Variants in PHRF1 observed in about 807,000 individuals in gnomAD.
PHRF1 encodes PHD and RING finger domain-containing protein 1.
Under a neutral mutation model 128.9 loss-of-function variants are expected in PHRF1, and 53 were observed. That is an observed-to-expected ratio of 0.41 (90% CI 0.33 to 0.52). The LOEUF (loss-of-function observed/expected upper bound fraction) is 0.52. Ranked by LOEUF, PHRF1 falls within the 20% of genes least tolerant of loss-of-function variation. The pLI is 0.21. For synonymous variants in PHRF1, 1,178 were observed against 980.6 expected (o/e 1.20, Z -3.76); for missense variants, 2,503 against 2,284.5 (o/e 1.10, Z -1.95).
chr11:582,907 G>A (rs1034538954), intron 3 of PHRF1, among the ~76,000 whole-genome samples: 3 of 151,452 alleles, frequency 2.0e-5, no homozygotes, highest in Non-Finnish European at 2.9e-5. Flanking sequence ...GGTGGTAGAC[G>A]CCTGTAATCC....
At chr11:577,901 G>C (rs1223113200) in intron 1 of PHRF1, among the ~76,000 whole-genome samples, 4 of 152,248 alleles carry the variant, frequency 2.6e-5, no homozygotes, top group African/African-American at 9.6e-5. Flanking sequence ...AGCCTTTCCA[G>C]TTTTTTGTTT....
chr11:585,979 AG>A (rs1186707778), intron 3 of PHRF1, among the ~76,000 whole-genome samples: 1 of 152,142 alleles, frequency 6.6e-6, no homozygotes, highest in East Asian at 1.9e-4. Context: ...CTCCTGTCTC[AG>A]CCTCCCAAGT....
rs1485963234 is a variant in PHRF1, at chr11:585,638, AGGTAGTAGCCCTTTCCAGCT to A, written c.215-1620_215-1601del. Among the ~76,000 whole-genome samples, 50 of 86,582 alleles carry A rather than the reference AGGTAGTAGCCCTTTCCAGCT, an allele frequency of 5.8e-4. 2 individuals are homozygous for A. Among genetic ancestry groups the A allele is most frequent in the East Asian group, 1.8e-3 (5 of 2,764 alleles). 56.8% of individuals were successfully genotyped at this position (86,582 alleles called of 152,430 possible). A position where few individuals can be genotyped will look rare whatever the true frequency, so the allele number is the denominator to read the frequency against. On this transcript the variant is annotated intron_variant, in intron 3 of 17. Transcript: ENST00000264555. ...TGAGGTAGTAGCCCTTTCCAGCTTG[AGGTAGTAGCCCTTTCCAGCT>A]TGAGGTAGTAGCTCTTCAACTCTTT...
rs774027905 is a variant in PHRF1, at chr11:587,346, C to CTGA, written c.311_313dup (p.Asp104dup). On this transcript the variant is annotated inframe_insertion, in exon 4 of 18. Transcript: ENST00000264555. ...CTGGAAGCCGCTGGCTCTTTCAATT[C>CTGA]TGATGATGATGCAGAGAGCTGCCCA... 5.6e-6 allele frequency: 9 copies of CTGA among 1,613,728 alleles called. No individual in the cohort carries two copies. The highest frequency in any genetic ancestry group is 7.6e-6 in the Non-Finnish European group (9 of 1,179,908).
rs1856281455 is a variant in PHRF1, at chr11:610,258, C to T, written c.4327C>T (p.Pro1443Ser). 3 of 1,555,464 alleles carry T rather than the reference C, an allele frequency of 1.9e-6. No homozygotes were observed. Among genetic ancestry groups the T allele is most frequent in the Non-Finnish European group, 1.7e-6 (2 of 1,149,604 alleles). ...AGCCTGGGACATGGAGGATGTGGCC[C>T]CCACAGGGGTCAGGCAGGTGTTCTC... ...EGAWDMEDVAPTGVRQVFSEL... is the reference protein window; with the variant it reads ...EGAWDMEDVASTGVRQVFSEL... Residue 1443 changes from proline to serine, a missense_variant, in exon 15 of 18, where the codon CCC becomes TCC. By Grantham distance (74) the Pro-to-Ser change is moderately conservative. Transcript: ENST00000264555.
rs757220022 is a variant in PHRF1, at chr11:608,985, C to T, written c.3529C>T (p.Arg1177Trp). The change falls in exon 14 of 18, where the codon CGG becomes TGG. Residue 1177 changes from arginine to tryptophan, a missense_variant. Coordinates refer to ENST00000264555, the MANE Select transcript of PHRF1 (RefSeq NM_001286581.2). ...SSEHRAREHRRPRSREKWPQT... is the reference protein window; with the variant it reads ...SSEHRAREHRWPRSREKWPQT... The stretch of plus-strand genomic sequence containing the variant: ...GGAGCACAGGGCACGGGAGCACAGG[C>T]GGCCTCGGTCCCGTGAGAAGTGGCC... 7.0e-5 allele frequency: 112 copies of T among 1,606,112 alleles called. No homozygotes were observed. Among genetic ancestry groups the T allele is most frequent in the Non-Finnish European group, 8.4e-5 (99 of 1,177,266 alleles).
At chr11:576,847 G>A (rs1589849709) in intron 1 of PHRF1, among the ~76,000 whole-genome samples, 1 of 93,034 alleles carries the variant, frequency 1.1e-5, no homozygotes, top group South Asian at 3.5e-4. Context: ...GAGACTGGGA[G>A]GCCCCGCCGA....
chr11:593,802 G>A (rs1305729564), intron 6 of PHRF1, among the ~76,000 whole-genome samples: 3 of 152,158 alleles, frequency 2.0e-5, no homozygotes, highest in Admixed American at 6.5e-5. Flanking sequence ...CCCAGCAGCC[G>A]GGAGATAGCC....
Position 608,079 on chromosome 11 carries a change from G to A in PHRF1, c.2623G>A (p.Ala875Thr). 1 of 1,611,540 alleles carries A rather than the reference G, an allele frequency of 6.2e-7. No homozygotes were observed. Among genetic ancestry groups the A allele is most frequent in the African/African-American group, 1.3e-5 (1 of 75,058 alleles). The change falls in exon 14 of 18, where the codon GCT becomes ACT. Residue 875 changes from alanine (A) to threonine (T), a missense_variant. Coordinates refer to ENST00000264555, the MANE Select transcript of PHRF1 (RefSeq NM_001286581.2). ...INSPKAQTVQ[A>T]VRCVTSYTVE... is the part of the protein sequence containing the mutation. ...CAGCCCGAAGGCCCAGACGGTGCAGGCTGTGCGCTGCGTCACCTCCTACAC... is the reference window on the plus strand; with the variant it reads ...CAGCCCGAAGGCCCAGACGGTGCAGACTGTGCGCTGCGTCACCTCCTACAC...
Position 608,808 on chromosome 11 carries a change from C to T in PHRF1, c.3352C>T (p.Pro1118Ser), listed in dbSNP as rs766749345. 12 of 1,611,924 alleles carry T rather than the reference C, an allele frequency of 7.4e-6. No individual in the cohort carries two copies. In the East Asian group the frequency reaches 2.7e-4, roughly 36 times the overall value. ...KKKKRRSASR[P>S]RGRECSPTSS... ...GAAGAAAAGGAGATCAGCGTCCAGA[C>T]CTCGGGGAAGGGAGTGCTCCCCCAC... The change falls in exon 14 of 18, where the codon CCT (proline) becomes TCT (serine). Residue 1118 changes from proline to serine, a missense_variant. By Grantham distance (74) the Pro-to-Ser change is moderately conservative. Coordinates refer to ENST00000264555, the MANE Select transcript of PHRF1 (RefSeq NM_001286581.2).
Position 597,702 on chromosome 11 carries a change from C to A in PHRF1, c.894+132C>A. The A allele has an allele frequency of 8.0e-7, 1 of 1,244,872 alleles. No individual in the cohort carries two copies. The highest frequency in any genetic ancestry group is 1.1e-6 in the Non-Finnish European group (1 of 906,902). 77.1% of individuals were successfully genotyped at this position (1,244,872 alleles called of 1,614,324 possible). On this transcript the variant is annotated intron_variant, in intron 8 of 17. Coordinates refer to ENST00000264555, the MANE Select transcript of PHRF1 (RefSeq NM_001286581.2). This position sits in a 1 kb window ranked among gnomAD's most constrained non-coding sequence, Gnocchi z 6.5. ...GGCCCCGGTGGCTCATGTTGTTCGGCCTGCTGAGGGGAGCAGATGAGTGCA... is the reference window on the plus strand; with the variant it reads ...GGCCCCGGTGGCTCATGTTGTTCGGACTGCTGAGGGGAGCAGATGAGTGCA...
In PHRF1 at chr11:610,393, GCA is replaced by G. The variant is rs765384176; in HGVS notation, c.4416+48_4416+49del. 7.2e-6 allele frequency: 11 copies of G among 1,535,180 alleles called. No homozygotes were observed. The South Asian group carries it at 1.4e-4, about 19-fold the overall frequency. ...GCTGTGGGCCGTGGGCAGTGGCCTG[GCA>G]CCCGTGCCACACACACCACACTAGG... is the stretch of plus-strand genomic sequence containing the variant. On this transcript the variant is annotated intron_variant, in intron 15 of 17. Transcript: ENST00000264555.
chr11:591,340 G>A lies in PHRF1; in HGVS notation c.421-44G>A, dbSNP rs780756474. ...GTAAAAGAATTTTTGATCTCTAAGT[G>A]AAAGTGATTGACAAGATTCTGATCC... On this transcript the variant is annotated intron_variant, in intron 4 of 17. Coordinates refer to ENST00000264555, the MANE Select transcript of PHRF1 (RefSeq NM_001286581.2). 8.5e-6 allele frequency: 13 copies of A among 1,525,228 alleles called. No individual in the cohort carries two copies. In the South Asian group the frequency reaches 1.2e-4, roughly 14 times the overall value. 94.5% of individuals were successfully genotyped at this position (1,525,228 alleles called of 1,614,324 possible).
At chr11:591,494 C>T (rs199627499) in intron 5 of PHRF1, 27 bp downstream of exon 5, 1 of 1,566,508 alleles carries the variant, frequency 6.4e-7, no homozygotes, top group South Asian at 1.2e-5. Context: ...CCGTGGAGGC[C>T]CCAGCCGTGC....
At chr11:605,060 G>T in intron 10 of PHRF1, 59 bp from the exon 11 acceptor site, 1 of 1,510,220 alleles carries the variant, frequency 6.6e-7, no homozygotes, top group Middle Eastern at 1.7e-4. Flanking sequence ...CATTTACAGA[G>T]CCCTCGTAGA....
intron 1 of PHRF1, among the ~76,000 whole-genome samples, chr11:578,180 G>C (rs1251720606): frequency 6.6e-6 from 1 of 152,242 alleles, no homozygotes; most frequent in Non-Finnish European, 1.5e-5. Flanking sequence ...ACAGGTCCTG[G>C]TGGTCCCAAA....
In PHRF1 at chr11:610,557, C is replaced by G; in HGVS notation, c.4473C>G (p.Cys1491Trp). Reference sequence around the variant, plus strand: ...CCCAGCCCTCAAGCATCCCACCCTGCGCACTGGTCAGCCAGCCCACGGTCC... The same window carrying G: ...CCCAGCCCTCAAGCATCCCACCCTGGGCACTGGTCAGCCAGCCCACGGTCC... ...APAQPSSIPPCALVSQPTVQF... is the reference protein window; with the variant it reads ...APAQPSSIPPWALVSQPTVQF... Residue 1491 changes from cysteine to tryptophan, a missense_variant, in exon 16 of 18, where the codon TGC (cysteine) becomes TGG (tryptophan). Coordinates refer to ENST00000264555, the MANE Select transcript of PHRF1 (RefSeq NM_001286581.2). 1.2e-6 allele frequency: 2 copies of G among 1,606,092 alleles called. No homozygotes were observed. Among genetic ancestry groups the G allele is most frequent in the Non-Finnish European group, 8.5e-7 (1 of 1,179,718 alleles).
rs767386021 is a variant in PHRF1, at chr11:582,042, G to A, written c.175G>A (p.Glu59Lys). The change falls in exon 3 of 18, where the codon GAG (glutamate) becomes AAG (lysine). Residue 59 changes from glutamate (E) to lysine (K), a missense_variant. Transcript: ENST00000264555. ...EHGDGTDGED[E>K]GASEEEDLED... The stretch of plus-strand genomic sequence containing the variant: ...TGGAGATGGCACAGACGGAGAAGAC[G>A]AGGGGGCGTCTGAGGAGGAAGACCT... 1.6e-5 allele frequency: 25 copies of A among 1,605,726 alleles called. No individual in the cohort carries two copies. Among genetic ancestry groups the A allele is most frequent in the African/African-American group, 9.4e-5 (7 of 74,820 alleles).
In PHRF1 at chr11:592,680, G is replaced by A. The variant is rs201973740; in HGVS notation, c.620+6G>A. ...TGCGACGGCTGCGATGCGGGGTAAG[G>A]GACGGTTGGGACTGGCACACGTGCC... On this transcript the variant is annotated splice_donor_region_variant and intron_variant, in intron 6 of 17. Transcript: ENST00000264555. The A allele has an allele frequency of 6.2e-7, 1 of 1,613,906 alleles. No homozygotes were observed. Among genetic ancestry groups the A allele is most frequent in the East Asian group, 2.2e-5 (1 of 44,878 alleles).
Sources: allele counts gnomAD v4.1 joint callset (sites outside exome capture counted in the v4.1 genomes callset), GRCh38; gene constraint gnomAD v4.1.1; non-coding constraint Gnocchi (gnomAD v3.1); transcripts MANE v1.5; gene names NCBI Gene and HGNC (gene_info 2026-07-23, HGNC 2026-07-21).